NCOA6: variants seen among roughly 807,000 people sequenced by gnomAD.
NCOA6 encodes nuclear receptor coactivator 6.
Under a neutral mutation model 171.4 loss-of-function variants are expected in NCOA6, and 49 were observed. The observed-to-expected ratio is 0.29, with a 90% CI of 0.23 to 0.36. The LOEUF is 0.36. Ranked by LOEUF, NCOA6 falls within the 10% of genes least tolerant of loss-of-function variation. NCOA6 has a pLI of 1.00. For synonymous variants in NCOA6, 910 were observed against 927.5 expected (o/e 0.98, Z 0.34); for missense variants, 2,248 against 2,554.5 (o/e 0.88, Z 2.59).
intron 1 of NCOA6, among the ~76,000 whole-genome samples, chr20:34,803,361 G>A (rs949299439): frequency 1.3e-5 from 2 of 151,568 alleles, no homozygotes; most frequent in Non-Finnish European, 2.9e-5. Flanking sequence ...CCAGCTGCTC[G>A]GGAGACTGAG....
At chr20:34,748,794 G>C (rs1396493596) in intron 9 of NCOA6, among the ~76,000 whole-genome samples, 1 of 152,182 alleles carries the variant, frequency 6.6e-6, no homozygotes, top group East Asian at 1.9e-4. Flanking sequence ...AGCCTTTAAA[G>C]GAAAGGCACC....
chr20:34,732,447 A>G, intron 13 of NCOA6, 112 bp downstream of exon 13: 1 of 993,574 alleles, frequency 1.0e-6, no homozygotes, highest in South Asian at 1.5e-5. Context: ...GACTGGTGCA[A>G]GAGTGAAGGA....
chr20:34,791,703 G>C (rs972735879), intron 2 of NCOA6, among the ~76,000 whole-genome samples: 1 of 152,196 alleles, frequency 6.6e-6, no homozygotes, highest in African/African-American at 2.4e-5. Context: ...AACAATGACT[G>C]CTTGCCAGAG....
intron 1 of NCOA6, among the ~76,000 whole-genome samples, chr20:34,793,539 C>T (rs1414276980): frequency 6.6e-6 from 1 of 152,014 alleles, no homozygotes; most frequent in Non-Finnish European, 1.5e-5. Context: ...AGGAGGATCA[C>T]TTGAGGTCAA....
At position 34,740,573 on chromosome 20, in the gene NCOA6, C is replaced by T; in HGVS notation, c.5683G>A (p.Gly1895Ser). ...TLLKMTSSPV[G>S]PGTASAGPSL... is the part of the protein sequence containing the mutation. ...GGTCCTGCTGAGGCAGTGCCCGGGC[C>T]CACAGGGCTAGAGGTCATTTTTAGC... is the stretch of plus-strand genomic sequence containing the variant. Residue 1895 changes from glycine (G) to serine (S), a missense_variant, in exon 11 of 15, where the codon GGC becomes AGC. Around this residue, in one of 7 missense-constraint regions of NCOA6, gnomAD observed 884 missense variants for 941.9 expected, o/e 0.94. Transcript: ENST00000359003. 6.2e-7 allele frequency: 1 copy of T among 1,614,150 alleles called. No individual in the cohort carries two copies. The highest frequency in any genetic ancestry group is 8.5e-7 in the Non-Finnish European group (1 of 1,180,036).
In NCOA6 at chr20:34,776,241, T is replaced by G. The variant is rs2077317416; in HGVS notation, c.391+52A>C. ...AGCAGCACAGAAAATCATGCTATATTCTACTGTTGTAATGATTCTGGTCTA... is the reference window on the plus strand; with the variant it reads ...AGCAGCACAGAAAATCATGCTATATGCTACTGTTGTAATGATTCTGGTCTA... On this transcript the variant is annotated intron_variant, in intron 4 of 14. Coordinates refer to ENST00000359003, the MANE Select transcript of NCOA6 (RefSeq NM_014071.5). The G allele has an allele frequency of 1.9e-6, 3 of 1,576,220 alleles. No individual in the cohort carries two copies. The African/African-American group carries it at 4.1e-5, about 21-fold the overall frequency.
At chr20:34,793,631 A>G (rs2077967016) in intron 1 of NCOA6, among the ~76,000 whole-genome samples, 1 of 152,142 alleles carries the variant, frequency 6.6e-6, no homozygotes, top group Non-Finnish European at 1.5e-5. Flanking sequence ...TCTAAAAAAA[A>G]TAATAATAAA....
In NCOA6 at chr20:34,776,359, G is replaced by A. The variant is rs893945071; in HGVS notation, c.325C>T (p.Arg109Trp). ...TGGTTGTTGCTCTGAGCAAGGATCC[G>A]TAGCCGCTCCGCTGCTTCCCGGGGG... ...NIPREAAERL[R>W]ILAQSNNQQL... The change falls in exon 4 of 15, where the codon CGG becomes TGG. Residue 109 changes from arginine to tryptophan, a missense_variant. Physicochemically the swap from Arg to Trp is moderately radical, Grantham distance 101 (BLOSUM62 -3). Transcript: ENST00000359003. The A allele has an allele frequency of 4.3e-6, 7 of 1,614,128 alleles. No homozygotes were observed. Among genetic ancestry groups the A allele is most frequent in the African/African-American group, 1.3e-5 (1 of 75,044 alleles).
chr20:34,777,576 C>T (rs1034177884), intron 3 of NCOA6, among the ~76,000 whole-genome samples: 1 of 151,730 alleles, frequency 6.6e-6, no homozygotes, highest in Non-Finnish European at 1.5e-5. Flanking sequence ...GAATGCACTA[C>T]TGCACTCCAG....
rs1288559140 is a variant in NCOA6, at chr20:34,741,787, G to A, written c.4469C>T (p.Ser1490Leu). 6 of 1,614,146 alleles carry A rather than the reference G, an allele frequency of 3.7e-6. No homozygotes were observed. The highest frequency in any genetic ancestry group is 1.1e-5 in the South Asian group (1 of 91,074). Residue 1490 changes from serine (S) to leucine (L), a missense_variant, in exon 11 of 15, where the codon TCG becomes TTG. Transcript: ENST00000359003. ...VSPAMREAPTSLSQLLDNSGA... is the reference protein window; with the variant it reads ...VSPAMREAPTLLSQLLDNSGA... ...AGAGTTGTCAAGAAGTTGACTTAAC[G>A]ATGTTGGTGCTTCCCTCATAGCAGG...
At chr20:34,766,623 C>T (rs1396396411) in intron 5 of NCOA6, among the ~76,000 whole-genome samples, 1 of 152,106 alleles carries the variant, frequency 6.6e-6, no homozygotes, top group Non-Finnish European at 1.5e-5. Flanking sequence ...TGCTATTTGC[C>T]AGATACTAGC....
intron 14 of NCOA6, among the ~76,000 whole-genome samples, chr20:34,725,387 G>A (rs1178591547): frequency 1.3e-5 from 2 of 152,236 alleles, no homozygotes; most frequent in East Asian, 3.8e-4. Flanking sequence ...AGATAAGTAG[G>A]AAGGGTGGGA....
chr20:34,750,195 C>T lies in NCOA6; in HGVS notation c.2000G>A (p.Ser667Asn), dbSNP rs926495846. ...TTGGGGCGAGGGCCCAAGATTTTGGCTCGGGGGGTTCACCATCATCTGGCC... is the reference window on the plus strand; with the variant it reads ...TTGGGGCGAGGGCCCAAGATTTTGGTTCGGGGGGTTCACCATCATCTGGCC... The part of the protein sequence containing the change: ...PQGQMMVNPP[S>N]QNLGPSPQRM... The change falls in exon 9 of 15, where the codon AGC becomes AAC. Residue 667 changes from serine to asparagine, a missense_variant. Physicochemically the swap from Ser to Asn is conservative, Grantham distance 46. This residue lies in a region of NCOA6 where 987 missense variants were observed against 1,104.7 expected (regional missense o/e 0.89). Transcript: ENST00000359003. 1 of 1,610,864 alleles carries T rather than the reference C, an allele frequency of 6.2e-7. No homozygotes were observed. Among genetic ancestry groups the T allele is most frequent in the East Asian group, 2.2e-5 (1 of 44,846 alleles).
intron 5 of NCOA6, among the ~76,000 whole-genome samples, chr20:34,761,194 A>G (rs2076807428): frequency 6.6e-6 from 1 of 152,050 alleles, no homozygotes. Flanking sequence ...CTCTATTCTT[A>G]TCTGTATTAT....
chr20:34,754,199 C>A (rs1236981642), intron 8 of NCOA6, among the ~76,000 whole-genome samples: 1 of 152,164 alleles, frequency 6.6e-6, no homozygotes, highest in Admixed American at 6.5e-5. Context: ...TGCAGTTGTC[C>A]AAACATGCCT....
rs757776338 is a variant in NCOA6 at position 34,757,941 on chromosome 20, C to CTGT, written c.804_806dup (p.Gln285dup). On this transcript the variant is annotated inframe_insertion, in exon 7 of 15. Coordinates refer to ENST00000359003, the MANE Select transcript of NCOA6 (RefSeq NM_014071.5). Reference sequence around the variant, plus strand: ...GTTGCTGCTGCTGCTGCTGCTGCTGCTGTTGTTGTTGTTGCTGCTGCTGCT... The same window carrying CTGT: ...GTTGCTGCTGCTGCTGCTGCTGCTGCTGTTGTTGTTGTTGTTGCTGCTGCTGCT... 1.1e-5 allele frequency: 17 copies of CTGT among 1,590,724 alleles called. No homozygotes were observed. The highest frequency in any genetic ancestry group is 6.7e-5 in the East Asian group (3 of 44,682).
At chr20:34,759,690 C>T (rs1182851635) in intron 5 of NCOA6, among the ~76,000 whole-genome samples, 1 of 152,050 alleles carries the variant, frequency 6.6e-6, no homozygotes, top group African/African-American at 2.4e-5. Flanking sequence ...AGCATATATC[C>T]ACCCTTCTGC....
At chr20:34,790,032 C>T (rs901117464) in intron 2 of NCOA6, among the ~76,000 whole-genome samples, 5 of 148,358 alleles carry the variant, frequency 3.4e-5, no homozygotes, top group Non-Finnish European at 7.4e-5. Flanking sequence ...GTCAGGAGTT[C>T]GAGACCAGCC....
chr20:34,823,578 T>C (rs981106226), intron 1 of NCOA6, among the ~76,000 whole-genome samples: 4 of 152,228 alleles, frequency 2.6e-5, no homozygotes, highest in Non-Finnish European at 4.4e-5. Flanking sequence ...TGAATTCTTC[T>C]CTAACATGAT....
Sources: allele counts gnomAD v4.1 joint callset (sites outside exome capture counted in the v4.1 genomes callset), GRCh38; gene constraint gnomAD v4.1.1; regional missense constraint gnomAD v4.1.1; transcripts MANE v1.5; gene names NCBI Gene and HGNC (gene_info 2026-07-23, HGNC 2026-07-21).